RCBTB1: variants seen among roughly 807,000 people sequenced by gnomAD.
RCBTB1 encodes RCC1 and BTB domain-containing protein 1.
Under a neutral mutation model 62.4 loss-of-function variants are expected in RCBTB1, and 46 were observed. That is an observed-to-expected ratio of 0.74 (90% confidence interval 0.58 to 0.94). The LOEUF (loss-of-function observed/expected upper bound fraction) is 0.94, where lower values mean the gene tolerates loss of function less well. RCBTB1 is among the 40% of genes least tolerant of loss of function. The pLI is 0.00. For synonymous variants in RCBTB1, 222 were observed against 245.8 expected, an observed-to-expected ratio of 0.90 and a Z score of 0.91; for missense variants, 565 against 654.9, an observed-to-expected ratio of 0.86 and a Z score of 1.50.
At chr13:49,552,142 A>T (rs1704304874) in intron 7 of RCBTB1, 36 bp downstream of exon 7, 1 of 1,332,192 alleles carries the variant, frequency 7.5e-7, no homozygotes, top group African/African-American at 1.5e-5. Context: ...AGGAAGGTAG[A>T]TGGGAAGCCA....
intron 10 of RCBTB1, among the ~76,000 whole-genome samples, chr13:49,544,486 AAACAAAC>A (rs1960644080): frequency 6.6e-6 from 1 of 152,064 alleles, no homozygotes; most frequent in Non-Finnish European, 1.5e-5. Context: ...ACAAACAAAC[AAACAAAC>A]AAACAAACAC....
At chr13:49,572,234 G>C (rs1185056521) in intron 2 of RCBTB1, among the ~76,000 whole-genome samples, 1 of 151,968 alleles carries the variant, frequency 6.6e-6, no homozygotes, top group Non-Finnish European at 1.5e-5. Flanking sequence ...GGCTGAGGTG[G>C]AAGGATCGTT....
At chr13:49,557,781 G>C (rs987482751) in intron 5 of RCBTB1, among the ~76,000 whole-genome samples, 5 of 151,926 alleles carry the variant, frequency 3.3e-5, no homozygotes, top group African/African-American at 1.2e-4. Context: ...TTTTTTAAAA[G>C]AATGAATTCT....
At chr13:49,583,648 G>C (rs1964230364) in intron 1 of RCBTB1, among the ~76,000 whole-genome samples, 1 of 152,054 alleles carries the variant, frequency 6.6e-6, no homozygotes, top group Non-Finnish European at 1.5e-5. Context: ...CCCAGGTCAG[G>C]TAATTCTCGT....
chr13:49,570,993 C>A (rs767749958), intron 2 of RCBTB1, among the ~76,000 whole-genome samples: 1 of 152,186 alleles, frequency 6.6e-6, no homozygotes, highest in South Asian at 2.1e-4. Flanking sequence ...TCACTTCTTT[C>A]TGACTTTATC....
chr13:49,573,027 T>A (rs570031867), intron 2 of RCBTB1, among the ~76,000 whole-genome samples: 28 of 152,262 alleles, frequency 1.8e-4, no homozygotes, highest in African/African-American at 6.5e-4. Context: ...CCCATGGTGC[T>A]ATGGTTTGTC....
intron 11 of RCBTB1, 91 bp downstream of exon 11, chr13:49,541,585 A>G: frequency 1.6e-6 from 2 of 1,258,118 alleles, no homozygotes; most frequent in Non-Finnish European, 2.2e-6. Flanking sequence ...TAAAGCCAAT[A>G]CACCTGAAGC....
chr13:49,559,954 G>A lies in RCBTB1; in HGVS notation c.408C>T (p.Gly136=). Residue 136 remains glycine, a synonymous_variant, in exon 5 of 13, where the codon GGC becomes GGT. Coordinates refer to ENST00000378302, the MANE Select transcript of RCBTB1 (RefSeq NM_018191.4). Reference sequence around the variant, plus strand: ...CTGCCAGAGCCATTGAATGATGTGAGCCACAAGCTACTTCCACCACTTGCT... The same window carrying A: ...CTGCCAGAGCCATTGAATGATGTGAACCACAAGCTACTTCCACCACTTGCT... ...LIKQVVEVAC[G]SHHSMALAAD... The A allele has an allele frequency of 6.2e-7, 1 of 1,614,112 alleles. No individual in the cohort carries two copies. The highest frequency in any genetic ancestry group is 8.5e-7 in the Non-Finnish European group (1 of 1,179,982).
At position 49,534,362 on chromosome 13, in the gene RCBTB1, C is replaced by T; in HGVS notation, c.1456-100G>A. The stretch of plus-strand genomic sequence containing the variant: ...CTTTACCCCAAATCTCTCACCCTCC[C>T]CCAGAAAAGATATTTGAGAGGCCAG... On this transcript the variant is annotated intron_variant, in intron 12 of 12. Coordinates refer to ENST00000378302, the MANE Select transcript of RCBTB1 (RefSeq NM_018191.4). 5.6e-6 allele frequency: 7 copies of T among 1,250,904 alleles called. No homozygotes were observed. The South Asian group carries it at 7.3e-5, about 13-fold the overall frequency. 77.5% of individuals were successfully genotyped at this position (1,250,904 alleles called of 1,614,324 possible).
intron 2 of RCBTB1, among the ~76,000 whole-genome samples, chr13:49,568,715 G>A (rs543469844): frequency 1.9e-3 from 287 of 152,174 alleles, no homozygotes; most frequent in Non-Finnish European, 2.5e-3. Flanking sequence ...CAGATCAGGA[G>A]GTCAAGAGAT....
Position 49,533,240 on chromosome 13 carries a change from A to G in RCBTB1, c.*882T>C, listed in dbSNP as rs1291152680. 6.6e-6 allele frequency: 1 copy of G among 152,230 alleles called. No homozygotes were observed. Among genetic ancestry groups the G allele is most frequent in the Non-Finnish European group, 1.5e-5 (1 of 68,044 alleles). The allele number at this position is 152,230 out of a possible 1,614,324, so 9.4% of individuals were successfully genotyped here. A position where few individuals can be genotyped will look rare whatever the true frequency, so the allele number is the denominator to read the frequency against. On this transcript the variant is annotated 3_prime_UTR_variant, in exon 13 of 13. Coordinates refer to ENST00000378302, the MANE Select transcript of RCBTB1 (RefSeq NM_018191.4). Reference sequence around the variant, plus strand: ...AGCAGTCATAATTTAGGAAGGCAAGAGTATACTATACATGTCATTATTTTC... The same window carrying G: ...AGCAGTCATAATTTAGGAAGGCAAGGGTATACTATACATGTCATTATTTTC...
chr13:49,560,267 C>T (rs914075594), intron 4 of RCBTB1, among the ~76,000 whole-genome samples, 183 bp from the exon 5 acceptor site: 1 of 152,192 alleles, frequency 6.6e-6, no homozygotes, highest in African/African-American at 2.4e-5. Context: ...ACGGGATAGA[C>T]AGATGCAAAA....
At chr13:49,535,318 T>C (rs145752166) in intron 12 of RCBTB1, among the ~76,000 whole-genome samples, 1 of 152,270 alleles carries the variant, frequency 6.6e-6, no homozygotes, top group Admixed American at 6.5e-5. Context: ...AACTTTAATA[T>C]AGTCTGTCCC....
chr13:49,552,303 G>A lies in RCBTB1; in HGVS notation c.604-18C>T, dbSNP rs777096686. 6.4e-5 allele frequency: 98 copies of A among 1,520,044 alleles called. No homozygotes were observed. The highest frequency in any genetic ancestry group is 8.8e-5 in the Non-Finnish European group (98 of 1,109,740). 94.2% of individuals were successfully genotyped at this position (1,520,044 alleles called of 1,614,324 possible). On this transcript the variant is annotated intron_variant, in intron 6 of 12. Transcript: ENST00000378302. The stretch of plus-strand genomic sequence containing the variant: ...CCATATACCTTAGAGAGGACAGAAG[G>A]GAGAGAGTGAGATTTTTAAACTGCT...
intron 12 of RCBTB1, among the ~76,000 whole-genome samples, chr13:49,534,790 T>C (rs531827529): frequency 5.4e-4 from 82 of 152,270 alleles, no homozygotes; most frequent in African/African-American, 1.8e-3. Flanking sequence ...TCCCAGCACT[T>C]TGGGAGGCCG....
At position 49,533,025 on chromosome 13, in the gene RCBTB1, A is replaced by C. The variant is rs1487439964; in HGVS notation, c.*1097T>G. ...ATAATTTTGGTGCTTTTTCAAGGTG[A>C]AATTGTGCTGTTATACCTAAGATGT... is the stretch of plus-strand genomic sequence containing the variant. On this transcript the variant is annotated 3_prime_UTR_variant, in exon 13 of 13. Coordinates refer to ENST00000378302, the MANE Select transcript of RCBTB1 (RefSeq NM_018191.4). The C allele has an allele frequency of 6.6e-6, 1 of 152,198 alleles. No homozygotes were observed. Among genetic ancestry groups the C allele is most frequent in the Non-Finnish European group, 1.5e-5 (1 of 68,040 alleles). The allele number at this position is 152,198 out of a possible 1,614,324, so 9.4% of individuals were successfully genotyped here.
In RCBTB1 at chr13:49,532,104, T is replaced by G. The variant is rs1479093307; in HGVS notation, c.*2018A>C. 3.3e-5 allele frequency: 5 copies of G among 152,588 alleles called. No homozygotes were observed. Among genetic ancestry groups the G allele is most frequent in the Non-Finnish European group, 7.4e-5 (5 of 68,020 alleles). 9.5% of individuals were successfully genotyped at this position (152,588 alleles called of 1,614,324 possible). ...AATACTTTGGCTTCCATTATTACAT[T>G]AGATGAAAAAATCAATTCAAATAAG... On this transcript the variant is annotated 3_prime_UTR_variant, in exon 13 of 13. Transcript: ENST00000378302.
Position 49,584,123 on chromosome 13 carries a change from C to A in RCBTB1, c.-122+1321G>T, listed in dbSNP as rs79016803. Reference sequence around the variant, plus strand: ...ATTAGGTGGAGCCAAGTTCTTGCTGCAGCATACGGGCACGCTTTAAAATTT... The same window carrying A: ...ATTAGGTGGAGCCAAGTTCTTGCTGAAGCATACGGGCACGCTTTAAAATTT... On this transcript the variant is annotated intron_variant, in intron 1 of 12. Coordinates refer to ENST00000378302, the MANE Select transcript of RCBTB1 (RefSeq NM_018191.4). Among the ~76,000 whole-genome samples the A allele has an allele frequency of 5.2e-3, 796 of 152,322 alleles. 23 individuals are homozygous for A. The East Asian group carries it at 0.077, about 15-fold the overall frequency.
chr13:49,576,166 G>A (rs1381261902), intron 2 of RCBTB1, among the ~76,000 whole-genome samples: 25 of 110,758 alleles, frequency 2.3e-4, no homozygotes, highest in Non-Finnish European at 3.5e-4. Flanking sequence ...CAGCCTGGGC[G>A]ACAGGCGTCG....
Sources: gnomAD v4.1 joint callset for allele counts (sites outside exome capture counted in the v4.1 genomes callset) on GRCh38, gnomAD v4.1.1 for gene constraint, MANE v1.5 for transcripts, NCBI Gene and HGNC (gene_info 2026-07-23, HGNC 2026-07-21) for gene names.